PCDHGB5: variants seen among roughly 807,000 people sequenced by gnomAD.
The protein encoded by PCDHGB5 is protocadherin gamma subfamily B, 5, also known as protocadherin gamma-B5.
Under a neutral mutation model 62.9 loss-of-function variants are expected in PCDHGB5, and 48 were observed. The ratio of observed to expected loss-of-function variants is 0.76; its 90% confidence interval spans 0.61 to 0.97. The LOEUF (loss-of-function observed/expected upper bound fraction) is 0.97, where lower values mean the gene tolerates loss of function less well. PCDHGB5 is among the 50% of genes least tolerant of loss of function. The pLI is 0.00. For missense variants in PCDHGB5, 1,118 were observed against 1,198.6 expected (o/e 0.93, Z 0.99); for synonymous variants, 474 against 511.2 (o/e 0.93, Z 0.98).
chr5:141,495,010 G>A (rs1327870362), intron 2 of PCDHGB5, 145 bp downstream of exon 2: 6 of 1,516,970 alleles, frequency 4.0e-6, no homozygotes, highest in Non-Finnish European at 5.3e-6. Context: ...GTGTGCGGGG[G>A]GCTGGCACAC....
chr5:141,404,210 A>G (rs927879028), intron 1 of PCDHGB5: 11 of 1,613,840 alleles, frequency 6.8e-6, no homozygotes, highest in Non-Finnish European at 9.3e-6. Context: ...AGAATATAAT[A>G]TCACGGTGAC....
At position 141,491,023 on chromosome 5, in the gene PCDHGB5, G is replaced by A. The variant is rs773185039; in HGVS notation, c.2398-3784G>A. 17 of 1,613,990 alleles carry A rather than the reference G, an allele frequency of 1.1e-5. No individual in the cohort carries two copies. Among genetic ancestry groups the A allele is most frequent in the Admixed American group, 5.0e-5 (3 of 60,008 alleles). ...CTCCTTGGTCACCAAGGTGACAGCC[G>A]TGGATGCTGATGCAGGCCACAATGC... On this transcript the variant is annotated intron_variant, in intron 1 of 3. Coordinates refer to ENST00000617380, the MANE Select transcript of PCDHGB5 (RefSeq NM_018925.3). The surrounding 1 kb of genome is among the most constrained non-coding windows in gnomAD (Gnocchi z 6.9).
chr5:141,489,594 T>A lies in PCDHGB5; in HGVS notation c.2398-5213T>A. The A allele has an allele frequency of 2.5e-6, 4 of 1,614,076 alleles. No homozygotes were observed. Among genetic ancestry groups the A allele is most frequent in the Non-Finnish European group, 3.4e-6 (4 of 1,179,982 alleles). ...CTGAACACCCCCTGGAGCTAATCCG[T>A]GTAGAGGTAGAGATCCTGGATCTCA... On this transcript the variant is annotated intron_variant, in intron 1 of 3. Coordinates refer to ENST00000617380, the MANE Select transcript of PCDHGB5 (RefSeq NM_018925.3). This position sits in a 1 kb window ranked among gnomAD's most constrained non-coding sequence, Gnocchi z 4.5.
intron 1 of PCDHGB5, among the ~76,000 whole-genome samples, chr5:141,445,778 T>G (rs1045010487): frequency 6.6e-6 from 1 of 152,190 alleles, no homozygotes; most frequent in East Asian, 1.9e-4. Context: ...TTAAAAGGGC[T>G]AGGGAGGCTA....
intron 1 of PCDHGB5, among the ~76,000 whole-genome samples, chr5:141,481,913 CAAAAAAA>C (rs34114744): frequency 2.2e-5 from 2 of 90,812 alleles, no homozygotes; most frequent in Admixed American, 1.2e-4. Context: ...AACTCCATCT[CAAAAAAA>C]AAAAAAAAAA....
chr5:141,491,845 G>A lies in PCDHGB5; in HGVS notation c.2398-2962G>A. 6.8e-7 allele frequency: 1 copy of A among 1,463,944 alleles called. No homozygotes were observed. The highest frequency in any genetic ancestry group is 9.0e-7 in the Non-Finnish European group (1 of 1,106,126). 90.7% of individuals were successfully genotyped at this position (1,463,944 alleles called of 1,614,324 possible). ...CTCCACCCGATTCTCGGGATCATTGGACCGTTTGCGCGAAACCAGAGTGGC... is the reference window on the plus strand; with the variant it reads ...CTCCACCCGATTCTCGGGATCATTGAACCGTTTGCGCGAAACCAGAGTGGC... On this transcript the variant is annotated intron_variant, in intron 1 of 3. Coordinates refer to ENST00000617380, the MANE Select transcript of PCDHGB5 (RefSeq NM_018925.3). This position sits in a 1 kb window ranked among gnomAD's most constrained non-coding sequence, Gnocchi z 6.9.
intron 1 of PCDHGB5, among the ~76,000 whole-genome samples, chr5:141,456,968 A>AAAAC (rs202005606): frequency 1.3e-4 from 20 of 152,282 alleles, no homozygotes; most frequent in Middle Eastern, 3.4e-3. Flanking sequence ...ATCTCAAAAC[A>AAAAC]AAACAAACAA....
rs776990176 is a variant in PCDHGB5 at position 141,485,136 on chromosome 5, C to A, written c.2398-9671C>A. ...GTTTGGGGCGGGTCGGCTTCATCCG[C>A]GTCTCAGGAGCAAGTAGAGAATTAG... On this transcript the variant is annotated intron_variant, in intron 1 of 3. Transcript: ENST00000617380. The surrounding 1 kb of genome is among the most constrained non-coding windows in gnomAD (Gnocchi z 5.7). The A allele has an allele frequency of 4.0e-6, 6 of 1,502,706 alleles. No individual in the cohort carries two copies. The South Asian group carries it at 5.9e-5, about 15-fold the overall frequency. The allele number at this position is 1,502,706 out of a possible 1,614,324, so 93.1% of individuals were successfully genotyped here.
intron 1 of PCDHGB5, chr5:141,411,163 C>T (rs1001422146): frequency 6.6e-6 from 1 of 152,132 alleles, no homozygotes; most frequent in African/African-American, 2.4e-5. Context: ...TTCTGACTAT[C>T]GAACAGAAGC....
chr5:141,492,911 G>A (rs1008138353), intron 1 of PCDHGB5, among the ~76,000 whole-genome samples: 1 of 152,216 alleles, frequency 6.6e-6, no homozygotes, highest in Admixed American at 6.5e-5. Context: ...TGATCACAAT[G>A]TGCCCAGCGA....
intron 1 of PCDHGB5, among the ~76,000 whole-genome samples, chr5:141,424,908 C>G (rs910592644): frequency 1.3e-5 from 2 of 152,184 alleles, no homozygotes; most frequent in Non-Finnish European, 2.9e-5. Context: ...TCACAGGAAT[C>G]ATTTCCATAA....
At chr5:141,433,205 TTTC>T in intron 1 of PCDHGB5, 1 of 1,573,264 alleles carries the variant, frequency 6.4e-7, no homozygotes, top group Non-Finnish European at 8.6e-7. Context: ...TCAAATCTTC[TTTC>T]TTTTTTTTTT....
chr5:141,415,443 C>T, intron 1 of PCDHGB5: 1 of 1,614,196 alleles, frequency 6.2e-7, no homozygotes, highest in Non-Finnish European at 8.5e-7. Context: ...TCCTGCAGAC[C>T]TATTCCCACG....
At chr5:141,423,066 C>T (rs1375575018) in intron 1 of PCDHGB5, 2 of 1,614,002 alleles carry the variant, frequency 1.2e-6, no homozygotes, top group South Asian at 1.1e-5. Context: ...TTAAGGCCAG[C>T]GAGCCGGGAC....
intron 1 of PCDHGB5, 199 bp downstream of exon 1, chr5:141,400,723 C>A (rs1317017521): frequency 6.1e-6 from 4 of 660,798 alleles, no homozygotes; most frequent in Non-Finnish European, 7.7e-6. Flanking sequence ...TATAGATTTA[C>A]AAAGTAGTGA....
At position 141,408,870 on chromosome 5, in the gene PCDHGB5, G is replaced by C. The variant is rs780987841; in HGVS notation, c.2397+8346G>C. ...TTGGACGGAGGGGACCCACCAAGAAGTGCCACCGCTCACATAGAAATTTCT... is the reference window on the plus strand; with the variant it reads ...TTGGACGGAGGGGACCCACCAAGAACTGCCACCGCTCACATAGAAATTTCT... On this transcript the variant is annotated intron_variant, in intron 1 of 3. Coordinates refer to ENST00000617380, the MANE Select transcript of PCDHGB5 (RefSeq NM_018925.3). The C allele has an allele frequency of 1.2e-6, 2 of 1,613,656 alleles. No homozygotes were observed. Among genetic ancestry groups the C allele is most frequent in the South Asian group, 1.1e-5 (1 of 91,026 alleles).
At chr5:141,503,384 C>G (rs898225633) in intron 2 of PCDHGB5, among the ~76,000 whole-genome samples, 1 of 151,906 alleles carries the variant, frequency 6.6e-6, no homozygotes, top group Non-Finnish European at 1.5e-5. Flanking sequence ...ATCATGAGGT[C>G]AGGAGTTCGA....
chr5:141,399,376 A>T lies in PCDHGB5; in HGVS notation c.1249A>T (p.Thr417Ser). ...AGAGCAAACCCCGGAGTACAATGTC[A>T]CCATCACAGCCACAGACAGGGGCAA... is the stretch of plus-strand genomic sequence containing the variant. ...DREQTPEYNVTITATDRGKPP... is the reference protein window; with the variant it reads ...DREQTPEYNVSITATDRGKPP... Residue 417 changes from threonine (T) to serine (S), a missense_variant, in exon 1 of 4, where the codon ACC becomes TCC. Transcript: ENST00000617380. 6.2e-7 allele frequency: 1 copy of T among 1,613,956 alleles called. No individual in the cohort carries two copies. Among genetic ancestry groups the T allele is most frequent in the Non-Finnish European group, 8.5e-7 (1 of 1,179,878 alleles).
rs763840734 is a variant in PCDHGB5, at chr5:141,428,113, T to C, written c.2397+27589T>C. The stretch of plus-strand genomic sequence containing the variant: ...CTGTCCTACCACGTGCTGCAGGCCA[T>C]CGAGCCCGGGCTTTTCAGCCTGGGG... On this transcript the variant is annotated intron_variant, in intron 1 of 3. Transcript: ENST00000617380. 1.0e-5 allele frequency: 16 copies of C among 1,607,374 alleles called. No homozygotes were observed. In the African/African-American group the frequency reaches 1.9e-4, roughly 19 times the overall value.
Sources: allele counts gnomAD v4.1 joint callset (sites outside exome capture counted in the v4.1 genomes callset), GRCh38; gene constraint gnomAD v4.1.1; non-coding constraint Gnocchi (gnomAD v3.1); transcripts MANE v1.5; gene names NCBI Gene and HGNC (gene_info 2026-07-23, HGNC 2026-07-21).